LINGO2: variants seen among roughly 807,000 people sequenced by gnomAD.
The protein encoded by LINGO2 is leucine-rich repeat and immunoglobulin-like domain-containing nogo receptor-interacting protein 2.
Under a neutral mutation model 30.6 loss-of-function variants are expected in LINGO2, and 14 were observed. That is an observed-to-expected ratio of 0.46 (90% CI 0.30 to 0.72). The LOEUF is 0.72. Among genes scored for constraint, LINGO2 ranks in the 30% least tolerant of loss-of-function variants. The pLI, the probability that LINGO2 is intolerant of heterozygous loss-of-function variation, is 0.07. For missense variants in LINGO2, 729 were observed against 751.7 expected, an observed-to-expected ratio of 0.97 and a Z score of 0.35; for synonymous variants, 317 against 288.5, an observed-to-expected ratio of 1.10 and a Z score of -1.00.
At chr9:28,773,553 T>A in the LINGO2 span, among the ~76,000 whole-genome samples, 1 of 152,174 alleles carries the variant, frequency 6.6e-6, no homozygotes, top group Non-Finnish European at 1.5e-5. Context: ...AATGGTGGGC[T>A]GCATACTGAA....
At chr9:28,298,938 T>C (rs1824030701) in intron 3 of LINGO2, among the ~76,000 whole-genome samples, 1 of 152,218 alleles carries the variant, frequency 6.6e-6, no homozygotes. Context: ...TTTGTTGGCC[T>C]GGCCCTAAGT....
intron 4 of LINGO2, among the ~76,000 whole-genome samples, chr9:28,214,340 T>C (rs1820693079): frequency 1.3e-5 from 2 of 151,646 alleles, no homozygotes; most frequent in African/African-American, 4.8e-5. Flanking sequence ...CAATCATTTG[T>C]CAACCTCAGT....
chr9:28,760,362 C>T, the LINGO2 span, among the ~76,000 whole-genome samples: 1 of 151,940 alleles, frequency 6.6e-6, no homozygotes, highest in Non-Finnish European at 1.5e-5. Flanking sequence ...CAAAGCTATC[C>T]CAGATATCAG....
intron 3 of LINGO2, among the ~76,000 whole-genome samples, chr9:28,307,919 T>G (rs968123915): frequency 1.4e-4 from 21 of 151,952 alleles, no homozygotes; most frequent in African/African-American, 4.6e-4. Flanking sequence ...CACTGCTCAA[T>G]GAAACAAAGG....
chr9:28,999,777 C>A, the LINGO2 span, among the ~76,000 whole-genome samples: 1 of 152,028 alleles, frequency 6.6e-6, no homozygotes, highest in African/African-American at 2.4e-5. Flanking sequence ...CAGTTTCATG[C>A]AACCTTTAGA....
intron 1 of LINGO2, among the ~76,000 whole-genome samples, chr9:28,561,082 T>C (rs1178181837): frequency 6.6e-6 from 1 of 152,002 alleles, no homozygotes; most frequent in African/African-American, 2.4e-5. Context: ...GAAATTAAAG[T>C]GGCAAGTGAG....
chr9:28,016,789 G>A (rs556699890), intron 4 of LINGO2, among the ~76,000 whole-genome samples: 8 of 151,728 alleles, frequency 5.3e-5, no homozygotes, highest in East Asian at 1.9e-4. Context: ...TCAATCCTAC[G>A]GAAAATAGTC....
At chr9:28,026,865 T>C in intron 4 of LINGO2, among the ~76,000 whole-genome samples, 1 of 152,208 alleles carries the variant, frequency 6.6e-6, no homozygotes, top group East Asian at 1.9e-4. Context: ...GACTAAACTT[T>C]GCCCTTGTCT....
intron 1 of LINGO2, among the ~76,000 whole-genome samples, chr9:28,578,170 A>G (rs943137861): frequency 1.3e-5 from 2 of 152,162 alleles, no homozygotes; most frequent in Non-Finnish European, 2.9e-5. Flanking sequence ...ATGATGAAGA[A>G]GGGTCTTGCT....
chr9:28,620,659 C>A (rs1004305184), intron 1 of LINGO2, among the ~76,000 whole-genome samples: 1 of 151,900 alleles, frequency 6.6e-6, no homozygotes, highest in Non-Finnish European at 1.5e-5. Context: ...CAGTTCTAGG[C>A]AATTCTTAGT....
At chr9:28,032,402 G>A (rs1206809716) in intron 4 of LINGO2, among the ~76,000 whole-genome samples, 2 of 152,136 alleles carry the variant, frequency 1.3e-5, no homozygotes, top group East Asian at 3.9e-4. Context: ...TTAGCAGAGG[G>A]AGATTCCTGT....
At chr9:28,632,872 ATATATAT>A (rs1169717198) in intron 1 of LINGO2, among the ~76,000 whole-genome samples, 3,739 of 109,808 alleles carry the variant, frequency 0.034, 90 homozygotes, top group East Asian at 0.083. Context: ...ATATATATAT[ATATATAT>A]GTAGAGAGAG....
the LINGO2 span, among the ~76,000 whole-genome samples, chr9:28,824,433 A>G: frequency 1.1e-4 from 17 of 152,304 alleles, no homozygotes; most frequent in South Asian, 2.9e-3. Flanking sequence ...GGGACAAGGA[A>G]GAGCTATCCT....
the LINGO2 span, among the ~76,000 whole-genome samples, chr9:29,046,922 T>C: frequency 6.6e-6 from 1 of 151,646 alleles, no homozygotes; most frequent in African/African-American, 2.4e-5. Flanking sequence ...CTACTAAAGA[T>C]ACAAAAATTA....
intron 1 of LINGO2, among the ~76,000 whole-genome samples, chr9:28,587,637 G>A (rs1187339413): frequency 6.6e-6 from 1 of 151,764 alleles, no homozygotes; most frequent in African/African-American, 2.4e-5. Context: ...CCTCATGACA[G>A]GAGGAGTCCA....
intron 1 of LINGO2, among the ~76,000 whole-genome samples, chr9:28,567,621 A>C (rs757012504): frequency 6.6e-6 from 1 of 152,068 alleles, no homozygotes; most frequent in Non-Finnish European, 1.5e-5. Context: ...TAAAGATGTA[A>C]ATAATAGACA....
the LINGO2 span, among the ~76,000 whole-genome samples, chr9:28,687,362 C>T: frequency 1.3e-5 from 2 of 152,178 alleles, no homozygotes; most frequent in Non-Finnish European, 1.5e-5. Flanking sequence ...CTGAGATTGA[C>T]TTCATGTTAA....
At chr9:28,495,655 T>A (rs1479131749) in intron 1 of LINGO2, among the ~76,000 whole-genome samples, 1 of 152,130 alleles carries the variant, frequency 6.6e-6, no homozygotes, top group Non-Finnish European at 1.5e-5. Flanking sequence ...TGTCTCTATT[T>A]CCTTCATTTC....
intron 2 of LINGO2, among the ~76,000 whole-genome samples, chr9:28,407,289 T>C (rs1428223923): frequency 2.0e-5 from 3 of 151,630 alleles, no homozygotes; most frequent in Admixed American, 2.0e-4. Flanking sequence ...AAAAATATAA[T>C]GAGCCAGAGT....
Sources: gnomAD v4.1 joint callset for allele counts (sites outside exome capture counted in the v4.1 genomes callset) on GRCh38, gnomAD v4.1.1 for gene constraint, MANE v1.5 for transcripts, NCBI Gene and HGNC (gene_info 2026-07-23, HGNC 2026-07-21) for gene names.